SEMA3A: variants seen among roughly 807,000 people sequenced by gnomAD.
SEMA3A encodes semaphorin 3A.
SEMA3A carries 29 observed loss-of-function variants against 97.9 expected under a neutral mutation model. That is an observed-to-expected ratio of 0.30 (90% CI 0.22 to 0.40). The LOEUF is 0.40. Among genes scored for constraint, SEMA3A ranks in the 10% least tolerant of loss-of-function variants. The probability of loss-of-function intolerance (pLI) is 1.00; values close to 1 mark genes in which losing one functional copy is unlikely to be tolerated. For missense variants in SEMA3A, 763 were observed against 951.3 expected, an observed-to-expected ratio of 0.80 and a Z score of 2.60; for synonymous variants, 321 against 323.7, an observed-to-expected ratio of 0.99 and a Z score of 0.09.
chr7:84,426,277 CAG>C (rs1554384466), intron 1 of SEMA3A, among the ~76,000 whole-genome samples: 3 of 132,994 alleles, frequency 2.3e-5, no homozygotes, highest in African/African-American at 8.6e-5. Context: ...GATATATAGA[CAG>C]ATAGATAGAT....
chr7:84,353,885 A>C (rs1351572071), intron 2 of SEMA3A, among the ~76,000 whole-genome samples: 1 of 151,636 alleles, frequency 6.6e-6, no homozygotes, highest in Admixed American at 6.6e-5. Flanking sequence ...TCTTCTTTTT[A>C]AACTGTATGT....
At chr7:84,373,972 A>AG (rs1388703663) in intron 1 of SEMA3A, among the ~76,000 whole-genome samples, 3 of 152,216 alleles carry the variant, frequency 2.0e-5, no homozygotes, top group African/African-American at 7.2e-5. Flanking sequence ...AAGATTAGCA[A>AG]GGAAGTCCTC....
intron 11 of SEMA3A, among the ~76,000 whole-genome samples, chr7:84,004,481 A>G (rs981875948): frequency 3.9e-5 from 6 of 151,980 alleles, no homozygotes; most frequent in African/African-American, 1.5e-4. Flanking sequence ...TATTGCTAAC[A>G]TTTATTTACT....
At chr7:84,150,530 G>C (rs1014365165) in intron 1 of SEMA3A, among the ~76,000 whole-genome samples, 8 of 152,108 alleles carry the variant, frequency 5.3e-5, no homozygotes, top group African/African-American at 1.4e-4. Context: ...GTGCTTTTCC[G>C]ACGGGCTTAA....
Position 84,065,258 on chromosome 7 carries a change from G to A in SEMA3A, c.454-4700C>T, listed in dbSNP as rs1478728154. 8.7e-5 allele frequency among the ~76,000 whole-genome samples: 11 copies of A among 127,062 alleles called. No homozygotes were observed. The South Asian group carries it at 1.3e-3, about 15-fold the overall frequency. 83.4% of individuals were successfully genotyped at this position (127,062 alleles called of 152,430 possible). On this transcript the variant is annotated intron_variant, in intron 4 of 16. Transcript: ENST00000265362. ...CACAACATACCAGAATCTCTGGGAC[G>A]CATTCAAAGCAGTGTGTAGAGGGAA... is the stretch of plus-strand genomic sequence containing the variant.
At chr7:84,310,451 C>T (rs1801285070) in intron 2 of SEMA3A, among the ~76,000 whole-genome samples, 1 of 151,814 alleles carries the variant, frequency 6.6e-6, no homozygotes, top group East Asian at 1.9e-4. Flanking sequence ...GTAAAGATTC[C>T]TAACAAGCAT....
intron 3 of SEMA3A, among the ~76,000 whole-genome samples, chr7:84,239,205 C>A (rs954192985): frequency 6.6e-6 from 1 of 152,082 alleles, no homozygotes; most frequent in East Asian, 1.9e-4. Context: ...TAGGTAAAAC[C>A]AAGCATTTAA....
chr7:84,115,333 G>C (rs963330011), intron 3 of SEMA3A, among the ~76,000 whole-genome samples: 4 of 151,924 alleles, frequency 2.6e-5, no homozygotes, highest in African/African-American at 9.7e-5. Flanking sequence ...TGCCCAATTT[G>C]ACTGCTCTTT....
intron 3 of SEMA3A, among the ~76,000 whole-genome samples, chr7:84,204,071 G>A (rs538424324): frequency 2.0e-5 from 3 of 151,992 alleles, no homozygotes; most frequent in South Asian, 2.1e-4. Flanking sequence ...TATAGCCGGC[G>A]GACTATCACA....
intron 1 of SEMA3A, among the ~76,000 whole-genome samples, chr7:84,401,448 T>C (rs1178244580): frequency 6.7e-6 from 1 of 148,952 alleles, no homozygotes; most frequent in Non-Finnish European, 1.5e-5. Flanking sequence ...ATAGATTCAA[T>C]GAAATCTCTA....
At chr7:84,167,247 A>G (rs1182218661) in intron 1 of SEMA3A, among the ~76,000 whole-genome samples, 2 of 152,156 alleles carry the variant, frequency 1.3e-5, no homozygotes, top group Non-Finnish European at 2.9e-5. Flanking sequence ...TCTAGGTGGC[A>G]GTTGAATAAA....
At chr7:84,359,135 T>A (rs2116055873) in intron 2 of SEMA3A, among the ~76,000 whole-genome samples, 1 of 152,232 alleles carries the variant, frequency 6.6e-6, no homozygotes, top group East Asian at 1.9e-4. Context: ...TTTATTTCTT[T>A]CTCCTGCCTG....
In SEMA3A at chr7:83,959,664, C is replaced by A. The variant is rs1450422193; in HGVS notation, c.*1707G>T. ...TGTAGTCTGAGGTGAGAAATTGATG[C>A]TGAGTTAATTAGAATCCAAAGACAG... On this transcript the variant is annotated 3_prime_UTR_variant, in exon 17 of 17. Coordinates refer to ENST00000265362, the MANE Select transcript of SEMA3A (RefSeq NM_006080.3). The A allele has an allele frequency of 1.3e-5, 2 of 151,994 alleles. No individual in the cohort carries two copies. The highest frequency in any genetic ancestry group is 1.5e-5 in the Non-Finnish European group (1 of 67,936). The allele number at this position is 151,994 out of a possible 1,614,324, so 9.4% of individuals were successfully genotyped here. A position where few individuals can be genotyped will look rare whatever the true frequency, so the allele number is the denominator to read the frequency against.
At chr7:84,050,750 T>C (rs1792592278) in intron 5 of SEMA3A, among the ~76,000 whole-genome samples, 1 of 152,240 alleles carries the variant, frequency 6.6e-6, no homozygotes, top group Non-Finnish European at 1.5e-5. Flanking sequence ...TTTGTTGCCA[T>C]GGCTTTTGGT....
intron 4 of SEMA3A, among the ~76,000 whole-genome samples, chr7:84,062,161 G>A (rs1793243058): frequency 6.6e-6 from 1 of 152,052 alleles, no homozygotes; most frequent in Non-Finnish European, 1.5e-5. Flanking sequence ...TACCAGTATA[G>A]CAAAATAATA....
At chr7:84,443,827 C>T (rs1338598218) in intron 1 of SEMA3A, among the ~76,000 whole-genome samples, 2 of 148,228 alleles carry the variant, frequency 1.3e-5, no homozygotes, top group East Asian at 4.0e-4. Context: ...GACCAGTCTA[C>T]TTTTGCTTTG....
At chr7:84,330,947 C>G (rs1801896891) in intron 2 of SEMA3A, among the ~76,000 whole-genome samples, 1 of 151,974 alleles carries the variant, frequency 6.6e-6, no homozygotes, top group African/African-American at 2.4e-5. Flanking sequence ...AAGACATAAA[C>G]CAATGATTCC....
At chr7:84,148,157 C>A (rs570803969) in intron 1 of SEMA3A, among the ~76,000 whole-genome samples, 1 of 152,206 alleles carries the variant, frequency 6.6e-6, no homozygotes, top group East Asian at 1.9e-4. Flanking sequence ...TCAGGTTATC[C>A]ACTCACCTTG....
chr7:84,176,096 G>A lies in SEMA3A; in HGVS notation c.112+18379C>T, dbSNP rs115269069. Among the ~76,000 whole-genome samples, 1,139 of 151,998 alleles carry A rather than the reference G, an allele frequency of 7.5e-3. 12 individuals carry two copies. Among genetic ancestry groups the A allele is most frequent in the African/African-American group, 0.026 (1,085 of 41,508 alleles). On this transcript the variant is annotated intron_variant, in intron 1 of 16. Transcript: ENST00000265362. ...CCTTAAGAACAATTATGTCTATTTA[G>A]TGGTTTCCCTTTTTAATAATACAAT...
Sources: gnomAD v4.1 joint callset for allele counts (sites outside exome capture counted in the v4.1 genomes callset) on GRCh38, gnomAD v4.1.1 for gene constraint, MANE v1.5 for transcripts, NCBI Gene and HGNC (gene_info 2026-07-23, HGNC 2026-07-21) for gene names.